The following MACROD2 variants were observed in gnomAD, a reference collection of about 807,000 sequenced individuals.
MACROD2 encodes the protein mono-ADP ribosylhydrolase 2, also known as ADP-ribose glycohydrolase MACROD2.
In MACROD2, 36 loss-of-function variants were observed where a neutral mutation model predicts 70.4. The observed-to-expected ratio is 0.51, with a 90% CI of 0.39 to 0.68. MACROD2 has a LOEUF of 0.68. Ranked by LOEUF, MACROD2 falls within the 30% of genes least tolerant of loss-of-function variation. The pLI, the probability that MACROD2 is intolerant of heterozygous loss-of-function variation, is 0.00. For synonymous variants in MACROD2, 172 were observed against 178.8 expected (o/e 0.96, Z 0.30); for missense variants, 496 against 538.4 (o/e 0.92, Z 0.78).
intron 15 of MACROD2, among the ~76,000 whole-genome samples, chr20:16,005,160 A>G (rs367866212): frequency 6.6e-6 from 1 of 152,188 alleles, no homozygotes; most frequent in South Asian, 2.1e-4. Context: ...TCTCTCTACA[A>G]GGGTTGAAAA....
At chr20:15,456,769 A>C (rs1354024973) in intron 7 of MACROD2, among the ~76,000 whole-genome samples, 1 of 152,138 alleles carries the variant, frequency 6.6e-6, no homozygotes, top group Admixed American at 6.6e-5. Flanking sequence ...CTTACCCCTC[A>C]AAATTCTGAG....
chr20:14,464,918 A>G lies in MACROD2; in HGVS notation c.272-28561A>G, dbSNP rs182471434. ...TGAGAGACAGTTTGTTATAATTTCT[A>G]TTCTTTTACATTTGCTGAGGAGAGC... On this transcript the variant is annotated intron_variant, in intron 3 of 17. Coordinates refer to ENST00000684519, the MANE Select transcript of MACROD2 (RefSeq NM_001351661.2). Among the ~76,000 whole-genome samples, 47 of 152,068 alleles carry G rather than the reference A, an allele frequency of 3.1e-4. 3 individuals carry two copies. The East Asian group carries it at 3.3e-3, about 11-fold the overall frequency.
At chr20:14,720,276 T>C (rs2071449061) in intron 5 of MACROD2, among the ~76,000 whole-genome samples, 1 of 152,114 alleles carries the variant, frequency 6.6e-6, no homozygotes, top group African/African-American at 2.4e-5. Flanking sequence ...TCACATGTAG[T>C]TATTCTTTGA....
intron 5 of MACROD2, among the ~76,000 whole-genome samples, chr20:15,155,690 C>T (rs1601152163): frequency 6.6e-6 from 1 of 152,192 alleles, no homozygotes; most frequent in Non-Finnish European, 1.5e-5. Flanking sequence ...GTGGTTTTAT[C>T]ACCATGGGAT....
intron 5 of MACROD2, among the ~76,000 whole-genome samples, chr20:15,058,737 T>C (rs1010967710): frequency 1.6e-4 from 24 of 152,194 alleles, no homozygotes; most frequent in African/African-American, 5.8e-4. Flanking sequence ...ACTGAATATG[T>C]TATAAACTTT....
intron 8 of MACROD2, among the ~76,000 whole-genome samples, chr20:15,604,553 G>A (rs1193848357): frequency 6.6e-6 from 1 of 152,200 alleles, no homozygotes; most frequent in African/African-American, 2.4e-5. Context: ...GTGCCCAGCT[G>A]TAGGCTCAAC....
At chr20:15,052,156 T>C (rs1369681169) in intron 5 of MACROD2, among the ~76,000 whole-genome samples, 2 of 152,182 alleles carry the variant, frequency 1.3e-5, no homozygotes, top group African/African-American at 4.8e-5. Context: ...TGTCTTGTAA[T>C]TTACAACACC....
At chr20:15,499,750 T>C in intron 7 of MACROD2, 24 bp from the exon 8 acceptor site, 2 of 1,612,486 alleles carry the variant, frequency 1.2e-6, no homozygotes, top group Non-Finnish European at 1.7e-6. Flanking sequence ...GTTGTTCATT[T>C]GTTTTTTCCT....
At chr20:15,091,038 A>G (rs1254399724) in intron 5 of MACROD2, among the ~76,000 whole-genome samples, 3 of 151,958 alleles carry the variant, frequency 2.0e-5, no homozygotes, top group Non-Finnish European at 4.4e-5. Flanking sequence ...CCCCAACTAT[A>G]GCATCCTTCA....
chr20:14,705,986 C>T (rs2071264763), intron 5 of MACROD2, among the ~76,000 whole-genome samples: 1 of 151,802 alleles, frequency 6.6e-6, no homozygotes, highest in African/African-American at 2.4e-5. Context: ...TTTAAAAATT[C>T]TCTTTTATTT....
intron 3 of MACROD2, chr20:14,127,486 T>C: frequency 2.0e-6 from 1 of 494,674 alleles, no homozygotes; most frequent in Non-Finnish European, 3.7e-6. Context: ...CAGAGGTGGG[T>C]CAAATCATTG....
chr20:14,916,816 T>C lies in MACROD2; in HGVS notation c.418+231857T>C, dbSNP rs559710755. Among the ~76,000 whole-genome samples, 98 of 152,218 alleles carry C rather than the reference T, an allele frequency of 6.4e-4. 5 individuals are homozygous for C. In the South Asian group the frequency reaches 0.015, roughly 23 times the overall value. On this transcript the variant is annotated intron_variant, in intron 5 of 17. Transcript: ENST00000684519. ...TAATTCCCGTATTCCCTGCCTCTAGTTAAATTCCAGATGTAGGCACATGGC... is the reference window on the plus strand; with the variant it reads ...TAATTCCCGTATTCCCTGCCTCTAGCTAAATTCCAGATGTAGGCACATGGC...
rs562506826 is a variant in MACROD2 at position 14,269,914 on chromosome 20, C to T, written c.271+184186C>T. On this transcript the variant is annotated intron_variant, in intron 3 of 17. Coordinates refer to ENST00000684519, the MANE Select transcript of MACROD2 (RefSeq NM_001351661.2). Reference sequence around the variant, plus strand: ...CTAATTGCCACTCCTCATCCTAACCCTGGGAAAAATTCTTGTTATTGGTTA... The same window carrying T: ...CTAATTGCCACTCCTCATCCTAACCTTGGGAAAAATTCTTGTTATTGGTTA... Among the ~76,000 whole-genome samples, 9 of 152,030 alleles carry T rather than the reference C, an allele frequency of 5.9e-5. No individual in the cohort carries two copies. The South Asian group carries it at 1.9e-3, about 32-fold the overall frequency.
chr20:15,522,601 A>G (rs988468045), intron 8 of MACROD2, among the ~76,000 whole-genome samples: 3 of 152,200 alleles, frequency 2.0e-5, no homozygotes, highest in African/African-American at 7.2e-5. Context: ...CCTGAGGACA[A>G]ATTATAAGCT....
In MACROD2 at chr20:14,096,388, A is replaced by ACAGAG. The variant is rs1220065702; in HGVS notation, c.271+10661_271+10665dup. On this transcript the variant is annotated intron_variant, in intron 3 of 17. Coordinates refer to ENST00000684519, the MANE Select transcript of MACROD2 (RefSeq NM_001351661.2). ...CCTTTTTTTTTTTTTTTTTTTTGAGACAGAGTCTTGCTCTGTCACCCAGGT... is the reference window on the plus strand; with the variant it reads ...CCTTTTTTTTTTTTTTTTTTTTGAGACAGAGCAGAGTCTTGCTCTGTCACCCAGGT... Among the ~76,000 whole-genome samples the ACAGAG allele has an allele frequency of 5.6e-5, 7 of 125,736 alleles. No individual in the cohort carries two copies. In the South Asian group the frequency reaches 7.4e-4, roughly 13 times the overall value. The allele number at this position is 125,736 out of a possible 152,430, so 82.5% of individuals were successfully genotyped here.
intron 8 of MACROD2, among the ~76,000 whole-genome samples, chr20:15,637,369 G>A (rs6135472): frequency 0.11 from 16,352 of 152,118 alleles, 1,391 homozygotes; most frequent in African/African-American, 0.22. Context: ...GATTGACATC[G>A]GAGCTCCCAA....
intron 3 of MACROD2, among the ~76,000 whole-genome samples, chr20:14,255,234 A>G (rs2082044091): frequency 6.6e-6 from 1 of 152,162 alleles, no homozygotes; most frequent in South Asian, 2.1e-4. Context: ...GGCAAATTGG[A>G]TAAAGAGTCA....
intron 5 of MACROD2, among the ~76,000 whole-genome samples, chr20:14,776,736 C>CA (rs1312323428): frequency 1.3e-5 from 2 of 151,980 alleles, no homozygotes; most frequent in Admixed American, 1.3e-4. Flanking sequence ...TTGGAATGTG[C>CA]AAGTATCAGT....
intron 5 of MACROD2, among the ~76,000 whole-genome samples, chr20:14,771,629 A>T (rs554750606): frequency 6.7e-6 from 1 of 149,074 alleles, no homozygotes; most frequent in Admixed American, 6.8e-5. Flanking sequence ...TTTCTTTGTA[A>T]TATTTATCCA....
Sources: gnomAD v4.1 joint callset for allele counts (sites outside exome capture counted in the v4.1 genomes callset) on GRCh38, gnomAD v4.1.1 for gene constraint, MANE v1.5 for transcripts, NCBI Gene and HGNC (gene_info 2026-07-23, HGNC 2026-07-21) for gene names.